Variants in ABHD18 observed in about 807,000 individuals in gnomAD.
ABHD18 encodes cardiolipin-specific deacylase, mitochondrial.
ABHD18 carries 55 observed loss-of-function variants against 65.9 expected under a neutral mutation model. That is an observed-to-expected ratio of 0.84 (90% CI 0.67 to 1.05). ABHD18 has a LOEUF of 1.05. Among genes scored for constraint, ABHD18 ranks in the 50% least tolerant of loss-of-function variants. The pLI is 0.00. For synonymous variants in ABHD18, 181 were observed against 180.2 expected (o/e 1.00, Z -0.04); for missense variants, 533 against 558.5 (o/e 0.95, Z 0.46).
intron 4 of ABHD18, among the ~76,000 whole-genome samples, chr4:128,005,079 A>T (rs1237567740): frequency 1.6e-4 from 24 of 152,002 alleles, no homozygotes; most frequent in Admixed American, 1.6e-3. Flanking sequence ...AATACAAAAA[A>T]TTAGTTGGGC....
intron 12 of ABHD18, among the ~76,000 whole-genome samples, chr4:128,034,376 A>G (rs183486883): frequency 8.9e-4 from 136 of 152,288 alleles, no homozygotes; most frequent in Middle Eastern, 3.4e-3. Flanking sequence ...ATATTCTGCT[A>G]TAAAAATGTA....
At chr4:127,973,467 A>G (rs753618557) in intron 1 of ABHD18, among the ~76,000 whole-genome samples, 26 of 152,194 alleles carry the variant, frequency 1.7e-4, no homozygotes, top group Middle Eastern at 3.4e-3. Context: ...TACTCTACTC[A>G]AATGCTGAGA....
intron 7 of ABHD18, among the ~76,000 whole-genome samples, chr4:128,014,924 A>G: frequency 6.6e-6 from 1 of 152,152 alleles, no homozygotes; most frequent in East Asian, 1.9e-4. Flanking sequence ...CTAAAAATAC[A>G]GAAATTAGCT....
intron 6 of ABHD18, 55 bp downstream of exon 6, chr4:128,009,246 T>A: frequency 8.6e-7 from 1 of 1,165,850 alleles, no homozygotes; most frequent in Non-Finnish European, 1.1e-6. Flanking sequence ...ATTGATATAT[T>A]TAGTCATCAA....
intron 1 of ABHD18, among the ~76,000 whole-genome samples, chr4:127,981,232 A>AT (rs574989418): frequency 3.2e-4 from 48 of 152,132 alleles, no homozygotes; most frequent in East Asian, 9.7e-4. Context: ...CACGTATGAT[A>AT]TTTTTTTACT....
In ABHD18 at chr4:128,036,904, G is replaced by A. The variant is rs560144084; in HGVS notation, c.*1091G>A. On this transcript the variant is annotated 3_prime_UTR_variant, in exon 13 of 13. Coordinates refer to ENST00000645843, the MANE Select transcript of ABHD18 (RefSeq NM_001358451.3). ...GACGCTCAGGCGGGCGGATCACAAG[G>A]TCAGGAGTTTAAGACCAGCCTGGCC... 1.3e-5 allele frequency: 2 copies of A among 152,134 alleles called. No individual in the cohort carries two copies. The highest frequency in any genetic ancestry group is 2.1e-4 in the South Asian group (1 of 4,816). The allele number at this position is 152,134 out of a possible 1,614,324, so 9.4% of individuals were successfully genotyped here.
At chr4:127,975,145 T>C (rs1222157612) in intron 1 of ABHD18, among the ~76,000 whole-genome samples, 1 of 152,166 alleles carries the variant, frequency 6.6e-6, no homozygotes, top group Non-Finnish European at 1.5e-5. Context: ...TTTTTTCTTG[T>C]GGTAAAATAC....
chr4:127,979,571 A>C (rs1010582754), intron 1 of ABHD18, among the ~76,000 whole-genome samples: 5 of 151,886 alleles, frequency 3.3e-5, no homozygotes, highest in Non-Finnish European at 5.9e-5. Flanking sequence ...AAACAAAGAA[A>C]CACCAATGGA....
intron 4 of ABHD18, among the ~76,000 whole-genome samples, chr4:128,004,051 T>C (rs1464289600): frequency 6.6e-6 from 1 of 152,128 alleles, no homozygotes; most frequent in Non-Finnish European, 1.5e-5. Context: ...ACTATCCCCA[T>C]GATATAATTT....
chr4:128,024,503 A>T (rs1757038368), intron 10 of ABHD18, among the ~76,000 whole-genome samples: 1 of 152,080 alleles, frequency 6.6e-6, no homozygotes, highest in Non-Finnish European at 1.5e-5. Flanking sequence ...AAATGTTAAG[A>T]TGTTTTCCCT....
At chr4:128,008,128 G>T (rs1279603240) in intron 4 of ABHD18, among the ~76,000 whole-genome samples, 1 of 151,816 alleles carries the variant, frequency 6.6e-6, no homozygotes, top group African/African-American at 2.4e-5. Context: ...CAGGCGCAGT[G>T]GTGTGGGCCT....
intron 10 of ABHD18, among the ~76,000 whole-genome samples, chr4:128,024,623 T>G (rs1757061003): frequency 6.6e-6 from 1 of 152,190 alleles, no homozygotes; most frequent in Non-Finnish European, 1.5e-5. Flanking sequence ...TAAACTTCCT[T>G]CCTCTTATAG....
intron 1 of ABHD18, among the ~76,000 whole-genome samples, chr4:127,976,442 A>G (rs538102748): frequency 4.9e-4 from 75 of 152,272 alleles, no homozygotes; most frequent in African/African-American, 1.8e-3. Context: ...AATTTCCTCA[A>G]TGCAAAAAAT....
At chr4:127,992,630 C>T (rs1485199516) in intron 4 of ABHD18, among the ~76,000 whole-genome samples, 2 of 152,086 alleles carry the variant, frequency 1.3e-5, no homozygotes, top group Non-Finnish European at 2.9e-5. Flanking sequence ...CCTCAACCTC[C>T]CTGGCTCAAG....
Position 127,968,066 on chromosome 4 carries a change from G to T in ABHD18, c.-18+2460G>T, listed in dbSNP as rs572406191. 1.0e-3 allele frequency among the ~76,000 whole-genome samples: 152 copies of T among 152,300 alleles called. 1 individual carries two copies. The highest frequency in any genetic ancestry group is 1.8e-3 in the Non-Finnish European group (121 of 68,026). On this transcript the variant is annotated intron_variant, in intron 1 of 12. Coordinates refer to ENST00000645843, the MANE Select transcript of ABHD18 (RefSeq NM_001358451.3). ...CTACTAAAAATACAAAAAAGTAGCC[G>T]GGCGTGGTGACGGGCGCCTGTAGTC...
At chr4:127,986,676 C>T (rs949942468) in intron 3 of ABHD18, among the ~76,000 whole-genome samples, 1 of 151,778 alleles carries the variant, frequency 6.6e-6, no homozygotes, top group Non-Finnish European at 1.5e-5. Context: ...TTTATATTCC[C>T]ACCAGCAGTG....
At chr4:127,985,610 T>TA (rs1042590554) in intron 3 of ABHD18, among the ~76,000 whole-genome samples, 54 of 151,386 alleles carry the variant, frequency 3.6e-4, no homozygotes, top group Admixed American at 5.9e-4. Context: ...CATACCAAGT[T>TA]AAAAAAAAAT....
At chr4:128,016,229 G>A (rs957665753) in intron 7 of ABHD18, among the ~76,000 whole-genome samples, 4 of 151,862 alleles carry the variant, frequency 2.6e-5, no homozygotes, top group Non-Finnish European at 5.9e-5. Flanking sequence ...TGGGATTACA[G>A]GCGTGAGCCA....
intron 1 of ABHD18, among the ~76,000 whole-genome samples, chr4:127,967,715 A>T (rs1290880408): frequency 6.6e-6 from 1 of 151,992 alleles, no homozygotes; most frequent in African/African-American, 2.4e-5. Flanking sequence ...TAGGAAAAAA[A>T]AAAAAAGAAA....
Sources: allele counts gnomAD v4.1 joint callset (sites outside exome capture counted in the v4.1 genomes callset), GRCh38; gene constraint gnomAD v4.1.1; transcripts MANE v1.5; gene names NCBI Gene and HGNC (gene_info 2026-07-23, HGNC 2026-07-21).